The following ATAD2B variants were observed in gnomAD, a reference collection of about 807,000 sequenced individuals.
ATAD2B encodes ATPase family AAA domain-containing protein 2B.
Under a neutral mutation model 167.6 loss-of-function variants are expected in ATAD2B, and 40 were observed. That is an observed-to-expected ratio of 0.24 (90% CI 0.19 to 0.31). The LOEUF (loss-of-function observed/expected upper bound fraction) is 0.31. Among genes scored for constraint, ATAD2B ranks in the 10% least tolerant of loss-of-function variants. The pLI, the probability that ATAD2B is intolerant of heterozygous loss-of-function variation, is 1.00. For missense variants in ATAD2B, 1,242 were observed against 1,757.2 expected (o/e 0.71, Z 5.24); for synonymous variants, 579 against 596.5 (o/e 0.97, Z 0.43).
the ATAD2B span, chr2:23,691,940 A>G: frequency 1.4e-6 from 2 of 1,479,542 alleles, no homozygotes; most frequent in Non-Finnish European, 1.8e-6. Flanking sequence ...GAACTCCATA[A>G]ACAGCAAGGA....
chr2:23,805,804 A>AAAAAAAC (rs1252597111), intron 18 of ATAD2B, among the ~76,000 whole-genome samples: 3 of 130,992 alleles, frequency 2.3e-5, no homozygotes, highest in Non-Finnish European at 5.0e-5. Context: ...TTAAAAAAAA[A>AAAAAAAC]AAAACAAATC....
chr2:23,841,318 A>T (rs1230102327), intron 13 of ATAD2B, among the ~76,000 whole-genome samples: 2 of 152,032 alleles, frequency 1.3e-5, no homozygotes, highest in African/African-American at 4.8e-5. Flanking sequence ...ATGCTTTCTG[A>T]CTTATGGTTT....
At chr2:23,740,113 ACC>A in the ATAD2B span, among the ~76,000 whole-genome samples, 8 of 152,234 alleles carry the variant, frequency 5.3e-5, no homozygotes, top group Admixed American at 4.6e-4. Context: ...GCCGAATTCT[ACC>A]AGAGGTACAA....
chr2:23,817,617 C>T (rs1377986316), intron 17 of ATAD2B, among the ~76,000 whole-genome samples: 1 of 152,188 alleles, frequency 6.6e-6, no homozygotes, highest in African/African-American at 2.4e-5. Flanking sequence ...ATATCTTATT[C>T]ATGCTTATGT....
At position 23,884,812 on chromosome 2, in the gene ATAD2B, T is replaced by A; in HGVS notation, c.737A>T (p.Tyr246Phe). 1.2e-6 allele frequency: 2 copies of A among 1,602,414 alleles called. No homozygotes were observed. The highest frequency in any genetic ancestry group is 2.2e-5 in the East Asian group (1 of 44,568). Residue 246 changes from tyrosine (Y) to phenylalanine (F), a missense_variant, in exon 6 of 28, where the codon TAT (tyrosine) becomes TTT (phenylalanine). Physicochemically the swap from Tyr to Phe is conservative, Grantham distance 22 (BLOSUM62 3). Coordinates refer to ENST00000238789, the MANE Select transcript of ATAD2B (RefSeq NM_017552.4). The part of the protein sequence containing the change: ...RRRKSLRRNS[Y>F]GIQNHHEVST... ...AACTTCATGATGATTTTGTATCCCA[T>A]AACTATTTCTTCTTAGTGACTTTCT...
chr2:23,698,705 G>C, the ATAD2B span, among the ~76,000 whole-genome samples: 1 of 152,252 alleles, frequency 6.6e-6, no homozygotes, highest in South Asian at 2.1e-4. Flanking sequence ...ATATATTGCA[G>C]TCACTGTGGT....
chr2:23,737,986 A>G, the ATAD2B span, among the ~76,000 whole-genome samples: 2 of 152,162 alleles, frequency 1.3e-5, no homozygotes, highest in Admixed American at 6.5e-5. Context: ...AAGCGAGAAG[A>G]GAAGTTTAGA....
intron 19 of ATAD2B, among the ~76,000 whole-genome samples, chr2:23,791,467 A>AC (rs1681713107): frequency 1.4e-5 from 2 of 143,422 alleles, no homozygotes; most frequent in Non-Finnish European, 3.1e-5. Context: ...GTGCAAAAGC[A>AC]CTTTTTTTTT....
chr2:23,891,135 C>T (rs1460812606), intron 2 of ATAD2B, among the ~76,000 whole-genome samples: 9 of 151,004 alleles, frequency 6.0e-5, no homozygotes, highest in Non-Finnish European at 1.3e-4. Flanking sequence ...ATTCTCTCAT[C>T]TCAGCCTCCC....
chr2:23,816,676 T>C (rs1285555208), intron 17 of ATAD2B, among the ~76,000 whole-genome samples: 1 of 152,190 alleles, frequency 6.6e-6, no homozygotes, highest in African/African-American at 2.4e-5. Flanking sequence ...TTCTTCTTTA[T>C]GCTCTTCTTT....
chr2:23,730,185 TAAATGAATTA>T, the ATAD2B span, among the ~76,000 whole-genome samples: 3 of 152,160 alleles, frequency 2.0e-5, no homozygotes, highest in African/African-American at 7.2e-5. Flanking sequence ...AGAATAAATT[TAAATGAATTA>T]AAATAATACA....
At chr2:23,779,174 C>CTTT (rs35835747) in intron 22 of ATAD2B, among the ~76,000 whole-genome samples, 14 of 97,404 alleles carry the variant, frequency 1.4e-4, no homozygotes, top group East Asian at 3.1e-4. Context: ...TTTTTCTTTT[C>CTTT]TTTTTTTTTT....
At chr2:23,874,320 C>G (rs1029902064) in intron 8 of ATAD2B, among the ~76,000 whole-genome samples, 2 of 151,952 alleles carry the variant, frequency 1.3e-5, no homozygotes, top group Non-Finnish European at 2.9e-5. Context: ...TTAGAGGAAA[C>G]CATAGGAACA....
At chr2:23,699,691 C>G in the ATAD2B span, among the ~76,000 whole-genome samples, 5 of 152,168 alleles carry the variant, frequency 3.3e-5, no homozygotes, top group African/African-American at 1.2e-4. Flanking sequence ...TTTGCCTTCT[C>G]GGCGCCCAGC....
the ATAD2B span, chr2:23,690,648 A>T: frequency 1.3e-5 from 2 of 152,124 alleles, no homozygotes; most frequent in Admixed American, 1.3e-4. Context: ...AGGAGCCAGG[A>T]TGGGGCGGCC....
At chr2:23,769,104 C>T (rs1338085849) in intron 22 of ATAD2B, among the ~76,000 whole-genome samples, 2 of 152,122 alleles carry the variant, frequency 1.3e-5, no homozygotes, top group Admixed American at 1.3e-4. Context: ...GACCCCATCT[C>T]CCCTTGGATA....
intron 22 of ATAD2B, among the ~76,000 whole-genome samples, chr2:23,781,329 CAAAAAAATAAAT>C (rs1680007957): frequency 7.3e-6 from 1 of 136,144 alleles, no homozygotes; most frequent in Non-Finnish European, 1.6e-5. Context: ...GTCCTGACCA[CAAAAAAATAAAT>C]AAATAAATAA....
chr2:23,681,340 A>C, the ATAD2B span, among the ~76,000 whole-genome samples: 1 of 152,198 alleles, frequency 6.6e-6, no homozygotes, highest in Admixed American at 6.5e-5. The surrounding 1 kb of genome is among the most constrained non-coding windows in gnomAD (Gnocchi z 4.2). Flanking sequence ...AAGCACCTAC[A>C]TTAGGATGGG....
intron 1 of ATAD2B, among the ~76,000 whole-genome samples, chr2:23,907,796 G>A (rs1444321149): frequency 6.6e-6 from 1 of 152,060 alleles, no homozygotes; most frequent in Non-Finnish European, 1.5e-5. Flanking sequence ...CAGAGATATA[G>A]AACAATGGAA....
Sources: allele counts gnomAD v4.1 joint callset (sites outside exome capture counted in the v4.1 genomes callset), GRCh38; gene constraint gnomAD v4.1.1; non-coding constraint Gnocchi (gnomAD v3.1); transcripts MANE v1.5; gene names NCBI Gene and HGNC (gene_info 2026-07-23, HGNC 2026-07-21).